Variants in LINGO2 observed in about 807,000 individuals in gnomAD.
LINGO2 encodes leucine-rich repeat and immunoglobulin-like domain-containing nogo receptor-interacting protein 2.
Under a neutral mutation model 30.6 loss-of-function variants are expected in LINGO2, and 14 were observed. The observed-to-expected ratio is 0.46, with a 90% CI of 0.30 to 0.72. The LOEUF is 0.72. LINGO2 is among the 30% of genes least tolerant of loss of function. The pLI, the probability that LINGO2 is intolerant of heterozygous loss-of-function variation, is 0.07. For synonymous variants in LINGO2, 317 were observed against 288.5 expected (o/e 1.10, Z -1.00); for missense variants, 729 against 751.7 (o/e 0.97, Z 0.35).
intron 1 of LINGO2, among the ~76,000 whole-genome samples, chr9:28,659,926 C>T (rs1828519667): frequency 6.6e-6 from 1 of 152,052 alleles, no homozygotes. Context: ...TTGCTACCAA[C>T]AGATAATTAC....
At chr9:28,707,979 G>A in the LINGO2 span, among the ~76,000 whole-genome samples, 1 of 152,046 alleles carries the variant, frequency 6.6e-6, no homozygotes, top group Non-Finnish European at 1.5e-5. Context: ...AAGTAGAATA[G>A]AATAAATGGA....
intron 1 of LINGO2, among the ~76,000 whole-genome samples, chr9:28,506,956 GA>G (rs1278960163): frequency 3.3e-5 from 5 of 151,888 alleles, no homozygotes; most frequent in African/African-American, 7.3e-5. Context: ...AAATTCAAAA[GA>G]ATTACAAAGG....
chr9:27,954,357 C>T (rs943056453), intron 5 of LINGO2, among the ~76,000 whole-genome samples: 3 of 152,192 alleles, frequency 2.0e-5, no homozygotes, highest in Non-Finnish European at 2.9e-5. Context: ...ATCTTGGCCA[C>T]AGTTCCCAGT....
the LINGO2 span, among the ~76,000 whole-genome samples, chr9:29,155,594 GA>G: frequency 6.8e-6 from 1 of 147,098 alleles, no homozygotes; most frequent in Non-Finnish European, 1.5e-5. Flanking sequence ...AATAAATGAG[GA>G]AAAAAAGAAG....
chr9:28,951,781 T>C, the LINGO2 span, among the ~76,000 whole-genome samples: 1 of 152,190 alleles, frequency 6.6e-6, no homozygotes, highest in Admixed American at 6.5e-5. Flanking sequence ...TTACTCTCTC[T>C]GTATAACTTC....
chr9:28,540,335 C>T (rs1206998613), intron 1 of LINGO2, among the ~76,000 whole-genome samples: 1 of 151,880 alleles, frequency 6.6e-6, no homozygotes, highest in Non-Finnish European at 1.5e-5. Flanking sequence ...TTACAGCTCA[C>T]TGCAGCTTCA....
chr9:28,010,077 A>G (rs889289510), intron 5 of LINGO2, among the ~76,000 whole-genome samples: 8 of 152,026 alleles, frequency 5.3e-5, no homozygotes, highest in African/African-American at 1.9e-4. Context: ...ACATGCTACA[A>G]TCGGGATGAA....
At chr9:28,194,221 A>G (rs1819927634) in intron 4 of LINGO2, among the ~76,000 whole-genome samples, 1 of 152,182 alleles carries the variant, frequency 6.6e-6, no homozygotes, top group South Asian at 2.1e-4. Context: ...GAAGAAATAC[A>G]TAACAAAACA....
chr9:28,862,047 G>C, the LINGO2 span, among the ~76,000 whole-genome samples: 1 of 151,768 alleles, frequency 6.6e-6, no homozygotes, highest in Admixed American at 6.6e-5. Context: ...CATAAGCTTC[G>C]GCTCAAAGGA....
intron 4 of LINGO2, among the ~76,000 whole-genome samples, chr9:28,055,752 G>A (rs114983272): frequency 2.5e-4 from 38 of 152,210 alleles, no homozygotes; most frequent in African/African-American, 8.4e-4. Flanking sequence ...AGTCTCTCTT[G>A]GAAGTTTAAG....
the LINGO2 span, among the ~76,000 whole-genome samples, chr9:28,786,633 T>C: frequency 6.6e-6 from 1 of 152,156 alleles, no homozygotes; most frequent in African/African-American, 2.4e-5. Flanking sequence ...CTTCCTCCCT[T>C]TTTTATAGTC....
chr9:28,805,814 T>C, the LINGO2 span, among the ~76,000 whole-genome samples: 1 of 152,090 alleles, frequency 6.6e-6, no homozygotes, highest in African/African-American at 2.4e-5. Context: ...ATATTAAGAC[T>C]GTGATTAAGG....
At chr9:28,619,385 G>A (rs570473640) in intron 1 of LINGO2, among the ~76,000 whole-genome samples, 2 of 152,234 alleles carry the variant, frequency 1.3e-5, no homozygotes, top group South Asian at 2.1e-4. Flanking sequence ...CTAGGAATAC[G>A]TTATTTCTAC....
the LINGO2 span, among the ~76,000 whole-genome samples, chr9:29,131,859 C>G: frequency 6.6e-6 from 1 of 151,160 alleles, no homozygotes; most frequent in Non-Finnish European, 1.5e-5. Context: ...CAAGGTAAGC[C>G]CACTAGCTGG....
chr9:29,158,362 A>C, the LINGO2 span, among the ~76,000 whole-genome samples: 1 of 152,024 alleles, frequency 6.6e-6, no homozygotes, highest in African/African-American at 2.4e-5. Context: ...TCTCAAAAAA[A>C]TAAAAATAAA....
At chr9:28,655,221 G>A (rs1000201867) in intron 1 of LINGO2, among the ~76,000 whole-genome samples, 2 of 151,992 alleles carry the variant, frequency 1.3e-5, no homozygotes, top group African/African-American at 2.4e-5. Context: ...ATGTGAAGAA[G>A]GATGTATTTG....
At chr9:27,972,473 C>G (rs1820402431) in intron 5 of LINGO2, among the ~76,000 whole-genome samples, 1 of 152,136 alleles carries the variant, frequency 6.6e-6, no homozygotes, top group Non-Finnish European at 1.5e-5. Context: ...CCTAAAAATC[C>G]TCCAACAACC....
chr9:28,643,105 C>A (rs1248023373), intron 1 of LINGO2, among the ~76,000 whole-genome samples: 1 of 151,988 alleles, frequency 6.6e-6, no homozygotes, highest in Non-Finnish European at 1.5e-5. Context: ...ATAAAATCTC[C>A]ATATTTCCCA....
chr9:28,981,913 G>T, the LINGO2 span, among the ~76,000 whole-genome samples: 1 of 152,186 alleles, frequency 6.6e-6, no homozygotes, highest in East Asian at 1.9e-4. Context: ...ATGAAATTTG[G>T]AAACCCAGAT....
Sources: gnomAD v4.1 joint callset for allele counts (sites outside exome capture counted in the v4.1 genomes callset) on GRCh38, gnomAD v4.1.1 for gene constraint, MANE v1.5 for transcripts, NCBI Gene and HGNC (gene_info 2026-07-23, HGNC 2026-07-21) for gene names.